Variants in CNTNAP2 observed in about 807,000 individuals in gnomAD.
CNTNAP2 encodes contactin associated protein 2, also known as contactin-associated protein-like 2.
A neutral mutation model predicts 155.2 loss-of-function variants in CNTNAP2; 98 were observed. The observed-to-expected ratio is 0.63, with a 90% CI of 0.54 to 0.75. CNTNAP2 has a LOEUF of 0.75. CNTNAP2 is among the 30% of genes least tolerant of loss of function. The pLI is 0.00. For missense variants in CNTNAP2, 1,727 were observed against 1,688.1 expected (o/e 1.02, Z -0.40); for synonymous variants, 651 against 631.2 (o/e 1.03, Z -0.47).
In CNTNAP2 at chr7:148,392,950, CTT is replaced by C. The variant is rs1196036509; in HGVS notation, c.3715+9064_3715+9065del. Among the ~76,000 whole-genome samples, 14 of 152,256 alleles carry C rather than the reference CTT, an allele frequency of 9.2e-5. No homozygotes were observed. The East Asian group carries it at 2.5e-3, about 27-fold the overall frequency. The stretch of plus-strand genomic sequence containing the variant: ...AGGCTTCCCGTCACCACATCGGACA[CTT>C]TACCACTGGCCACAGATTGGTTTCT... On this transcript the variant is annotated intron_variant, in intron 22 of 23. Transcript: ENST00000361727.
At chr7:146,569,454 AAAG>A (rs1224107322) in intron 1 of CNTNAP2, among the ~76,000 whole-genome samples, 3 of 152,224 alleles carry the variant, frequency 2.0e-5, no homozygotes, top group Non-Finnish European at 4.4e-5. Context: ...GAGTGAAAAG[AAAG>A]AAGGACTAGC....
intron 1 of CNTNAP2, among the ~76,000 whole-genome samples, chr7:146,747,502 T>C (rs1801829109): frequency 6.6e-6 from 1 of 152,212 alleles, no homozygotes; most frequent in African/African-American, 2.4e-5. Flanking sequence ...TGATTTTGTC[T>C]GTTTTATAGT....
At chr7:147,653,639 G>A (rs1303749144) in intron 13 of CNTNAP2, among the ~76,000 whole-genome samples, 1 of 152,170 alleles carries the variant, frequency 6.6e-6, no homozygotes, top group African/African-American at 2.4e-5. Context: ...GCAGAAAGGA[G>A]GGCACTGGGT....
In CNTNAP2 at chr7:147,454,922, G is replaced by T. The variant is rs78219091; in HGVS notation, c.1671-31013G>T. 3.7e-3 allele frequency among the ~76,000 whole-genome samples: 556 copies of T among 152,178 alleles called. 3 individuals are homozygous for T. Among genetic ancestry groups the T allele is most frequent in the African/African-American group, 0.012 (517 of 41,530 alleles). ...GGATCTGTATTTTAAAATTCCATTTGAGAAACTGACTCCCCCATTTGACAG... is the reference window on the plus strand; with the variant it reads ...GGATCTGTATTTTAAAATTCCATTTTAGAAACTGACTCCCCCATTTGACAG... On this transcript the variant is annotated intron_variant, in intron 10 of 23. Transcript: ENST00000361727.
intron 3 of CNTNAP2, among the ~76,000 whole-genome samples, chr7:146,906,736 G>T (rs953531871): frequency 6.6e-6 from 1 of 152,150 alleles, no homozygotes; most frequent in African/African-American, 2.4e-5. Flanking sequence ...ACTCTAAAAC[G>T]CAGAACACCT....
At chr7:147,971,189 C>A (rs568299569) in intron 14 of CNTNAP2, among the ~76,000 whole-genome samples, 3 of 152,234 alleles carry the variant, frequency 2.0e-5, no homozygotes, top group Non-Finnish European at 2.9e-5. Context: ...AGTTCATTAC[C>A]CTGCTACTTC....
intron 15 of CNTNAP2, among the ~76,000 whole-genome samples, chr7:148,079,487 G>T (rs1054728229): frequency 4.6e-5 from 7 of 152,130 alleles, no homozygotes; most frequent in Admixed American, 3.9e-4. Context: ...ACAGGTAGCC[G>T]GCTTTGGAGA....
intron 8 of CNTNAP2, among the ~76,000 whole-genome samples, chr7:147,138,296 G>T (rs1204976965): frequency 6.6e-6 from 1 of 151,884 alleles, no homozygotes; most frequent in Non-Finnish European, 1.5e-5. Context: ...CTATTGTTTG[G>T]TGGATCCCAA....
chr7:147,530,832 GTCT>G (rs1207995051), intron 11 of CNTNAP2, among the ~76,000 whole-genome samples: 1 of 152,154 alleles, frequency 6.6e-6, no homozygotes, highest in Non-Finnish European at 1.5e-5. Flanking sequence ...ACAGTCCAAA[GTCT>G]CATCTGAGAC....
chr7:147,300,096 T>G, intron 8 of CNTNAP2, 45 bp from the exon 9 acceptor site: 1 of 1,596,004 alleles, frequency 6.3e-7, no homozygotes, highest in Non-Finnish European at 8.6e-7. Context: ...TGTGTTCAGC[T>G]GGGTAATTTT....
intron 3 of CNTNAP2, among the ~76,000 whole-genome samples, chr7:146,979,209 A>G (rs990363014): frequency 6.6e-6 from 1 of 151,634 alleles, no homozygotes; most frequent in Non-Finnish European, 1.5e-5. Context: ...TGTATTTAAA[A>G]CCTCTAAAAT....
At chr7:148,043,873 C>A (rs1251358357) in intron 15 of CNTNAP2, among the ~76,000 whole-genome samples, 1 of 152,172 alleles carries the variant, frequency 6.6e-6, no homozygotes, top group Non-Finnish European at 1.5e-5. Context: ...TTTTCTAAAT[C>A]TTTTCATAAC....
At chr7:147,446,802 AATAGAAGATACATCTTATGCTTTCCAC>A (rs1329142630) in intron 10 of CNTNAP2, among the ~76,000 whole-genome samples, 1 of 152,230 alleles carries the variant, frequency 6.6e-6, no homozygotes, top group East Asian at 1.9e-4. Flanking sequence ...CATTAATTAT[AATAGAAGATACATCTTATGCTTTCCAC>A]ATAAAGAAGT....
At chr7:147,744,956 A>G (rs945398614) in intron 13 of CNTNAP2, among the ~76,000 whole-genome samples, 2 of 152,186 alleles carry the variant, frequency 1.3e-5, no homozygotes, top group Admixed American at 1.3e-4. Context: ...CTATCTAACC[A>G]AAGAACCAGA....
At chr7:146,873,226 C>T (rs1481510140) in intron 3 of CNTNAP2, among the ~76,000 whole-genome samples, 1 of 151,392 alleles carries the variant, frequency 6.6e-6, no homozygotes, top group East Asian at 1.9e-4. Flanking sequence ...ACCCTTTCTA[C>T]CCCATCCCAT....
intron 1 of CNTNAP2, among the ~76,000 whole-genome samples, chr7:146,757,688 G>A (rs766910849): frequency 4.6e-5 from 7 of 152,108 alleles, no homozygotes; most frequent in African/African-American, 1.4e-4. Context: ...TTCAGAGGCC[G>A]GCTTCAGTAA....
At chr7:148,218,882 A>G (rs1323922159) in intron 19 of CNTNAP2, among the ~76,000 whole-genome samples, 1 of 150,960 alleles carries the variant, frequency 6.6e-6, no homozygotes, top group Non-Finnish European at 1.5e-5. Flanking sequence ...GAACTTGAGA[A>G]GTCCACTTCC....
chr7:146,571,190 G>T (rs917088041), intron 1 of CNTNAP2, among the ~76,000 whole-genome samples: 6 of 152,008 alleles, frequency 3.9e-5, no homozygotes, highest in African/African-American at 1.4e-4. Context: ...TATAATTCAT[G>T]GTGTACTCAA....
At chr7:147,048,017 A>G (rs1010608166) in intron 4 of CNTNAP2, among the ~76,000 whole-genome samples, 3 of 151,830 alleles carry the variant, frequency 2.0e-5, no homozygotes, top group East Asian at 1.9e-4. Context: ...TTGTAAGCAT[A>G]TAAGTATTTG....
Sources: gnomAD v4.1 joint callset for allele counts (sites outside exome capture counted in the v4.1 genomes callset) on GRCh38, gnomAD v4.1.1 for gene constraint, MANE v1.5 for transcripts, NCBI Gene and HGNC (gene_info 2026-07-23, HGNC 2026-07-21) for gene names.